The following CCDC85A variants were observed in gnomAD, a reference collection of about 807,000 sequenced individuals.
CCDC85A encodes coiled-coil domain-containing protein 85A.
Under a neutral mutation model 50.2 loss-of-function variants are expected in CCDC85A, and 38 were observed. The observed-to-expected ratio is 0.76, with a 90% CI of 0.58 to 0.99. CCDC85A has a LOEUF of 0.99. Among genes scored for constraint, CCDC85A ranks in the 50% least tolerant of loss-of-function variants. The pLI is 0.00. For missense variants in CCDC85A, 820 were observed against 742.0 expected, an observed-to-expected ratio of 1.11 and a Z score of -1.22; for synonymous variants, 366 against 301.4, an observed-to-expected ratio of 1.21 and a Z score of -2.22.
intron 2 of CCDC85A, among the ~76,000 whole-genome samples, chr2:56,249,424 A>G (rs1305685176): frequency 6.6e-6 from 1 of 152,232 alleles, no homozygotes; most frequent in South Asian, 2.1e-4. Context: ...CTCCTGGAGT[A>G]CAGAGCAGGA....
intron 2 of CCDC85A, among the ~76,000 whole-genome samples, chr2:56,283,678 T>C (rs1319779188): frequency 2.0e-5 from 3 of 152,178 alleles, no homozygotes; most frequent in African/African-American, 7.2e-5. Context: ...ATCTATTTCA[T>C]TTACATTAGT....
intron 2 of CCDC85A, among the ~76,000 whole-genome samples, chr2:56,318,872 C>T (rs1673034124): frequency 6.6e-6 from 1 of 152,060 alleles, no homozygotes; most frequent in African/African-American, 2.4e-5. Context: ...CTCTTTCTTG[C>T]TGGTGTTAAG....
chr2:56,274,651 A>G (rs1670847678), intron 2 of CCDC85A, among the ~76,000 whole-genome samples: 1 of 152,218 alleles, frequency 6.6e-6, no homozygotes. Flanking sequence ...CATCTAGAGT[A>G]GTGTTTCACC....
intron 2 of CCDC85A, among the ~76,000 whole-genome samples, chr2:56,256,322 C>T (rs555111355): frequency 1.2e-4 from 19 of 152,034 alleles, no homozygotes; most frequent in Non-Finnish European, 2.6e-4. Flanking sequence ...AGTCAAGGCA[C>T]CTTTTAGGAT....
chr2:56,383,690 A>G (rs896851853), intron 5 of CCDC85A: 25 of 984,984 alleles, frequency 2.5e-5, no homozygotes, highest in Non-Finnish European at 2.8e-5. Context: ...AGAAAAAGCC[A>G]GAGAAATTTA....
intron 2 of CCDC85A, among the ~76,000 whole-genome samples, chr2:56,223,456 A>G (rs1668412847): frequency 6.6e-6 from 1 of 152,148 alleles, no homozygotes; most frequent in African/African-American, 2.4e-5. Context: ...TTGTTTGTCA[A>G]CTATTGCTCT....
chr2:56,339,633 G>T (rs76462283), intron 2 of CCDC85A, among the ~76,000 whole-genome samples: 3,024 of 152,260 alleles, frequency 0.02, 63 homozygotes, highest in Non-Finnish European at 0.032. Context: ...CAGCATAGGG[G>T]CAATAAAGAT....
intron 2 of CCDC85A, among the ~76,000 whole-genome samples, chr2:56,203,810 A>C (rs1418953668): frequency 6.6e-6 from 1 of 152,204 alleles, no homozygotes; most frequent in African/African-American, 2.4e-5. Context: ...TTCTATTTTA[A>C]TTATGAATAA....
At position 56,338,933 on chromosome 2, in the gene CCDC85A, C is replaced by T. The variant is rs10190595; in HGVS notation, c.1241-3946C>T. 6.4e-3 allele frequency among the ~76,000 whole-genome samples: 978 copies of T among 152,202 alleles called. 8 individuals are homozygous for T. Among genetic ancestry groups the T allele is most frequent in the African/African-American group, 0.022 (921 of 41,526 alleles). On this transcript the variant is annotated intron_variant, in intron 2 of 5. Transcript: ENST00000407595. ...AACAGCCTGAGTACTCTTATTTATA[C>T]ATGTAGATCAGATATTCTTCCTGTG...
At chr2:56,305,798 C>G (rs1388732661) in intron 2 of CCDC85A, among the ~76,000 whole-genome samples, 1 of 152,138 alleles carries the variant, frequency 6.6e-6, no homozygotes, top group Non-Finnish European at 1.5e-5. Context: ...GATTAATTGC[C>G]GAATTTATTT....
intron 2 of CCDC85A, among the ~76,000 whole-genome samples, chr2:56,342,129 C>G (rs11690772): frequency 0.035 from 5,348 of 151,572 alleles, 151 homozygotes; most frequent in Non-Finnish European, 0.052. Context: ...TTCAAGATGC[C>G]TATTATTCTG....
intron 2 of CCDC85A, among the ~76,000 whole-genome samples, chr2:56,297,538 A>G (rs1672010262): frequency 6.6e-6 from 1 of 152,156 alleles, no homozygotes; most frequent in African/African-American, 2.4e-5. Flanking sequence ...GCAAGAGTTA[A>G]CTGACTGAAT....
chr2:56,312,023 G>A (rs551296663), intron 2 of CCDC85A, among the ~76,000 whole-genome samples: 3 of 152,214 alleles, frequency 2.0e-5, no homozygotes, highest in East Asian at 3.9e-4. Flanking sequence ...AAGGACGGTC[G>A]GGGCACTTGC....
At chr2:56,313,093 C>A (rs533134149) in intron 2 of CCDC85A, among the ~76,000 whole-genome samples, 25 of 152,156 alleles carry the variant, frequency 1.6e-4, no homozygotes, top group African/African-American at 6.0e-4. Context: ...TCCTGAAAGT[C>A]TTTTATTATG....
At chr2:56,299,609 C>T (rs1325856748) in intron 2 of CCDC85A, among the ~76,000 whole-genome samples, 2 of 152,022 alleles carry the variant, frequency 1.3e-5, no homozygotes, top group Non-Finnish European at 2.9e-5. Flanking sequence ...GGAGGATGGT[C>T]AGTTACAGTC....
At chr2:56,307,307 G>A (rs2104212056) in intron 2 of CCDC85A, among the ~76,000 whole-genome samples, 1 of 152,140 alleles carries the variant, frequency 6.6e-6, no homozygotes, top group South Asian at 2.1e-4. Flanking sequence ...ATTAATTCTA[G>A]AGTGCAGAAA....
intron 2 of CCDC85A, among the ~76,000 whole-genome samples, chr2:56,331,346 C>G (rs1455998339): frequency 6.6e-6 from 1 of 152,074 alleles, no homozygotes; most frequent in Non-Finnish European, 1.5e-5. Flanking sequence ...ACCATGGCAC[C>G]TGTATACCTA....
intron 2 of CCDC85A, among the ~76,000 whole-genome samples, chr2:56,203,518 T>C (rs1287734859): frequency 1.3e-5 from 2 of 152,192 alleles, no homozygotes; most frequent in Admixed American, 6.5e-5. Context: ...CTTTGGGGCT[T>C]ATTGGCCTAG....
At chr2:56,263,361 C>T (rs1481328074) in intron 2 of CCDC85A, among the ~76,000 whole-genome samples, 4 of 152,202 alleles carry the variant, frequency 2.6e-5, no homozygotes, top group African/African-American at 9.7e-5. Context: ...TGCTTGGAGA[C>T]AGGTAGAATA....
Sources: gnomAD v4.1 joint callset for allele counts (sites outside exome capture counted in the v4.1 genomes callset) on GRCh38, gnomAD v4.1.1 for gene constraint, MANE v1.5 for transcripts, NCBI Gene and HGNC (gene_info 2026-07-23, HGNC 2026-07-21) for gene names.